BMP1: variants seen among roughly 807,000 people sequenced by gnomAD.
BMP1 encodes the protein bone morphogenetic protein 1.
BMP1 carries 63 observed loss-of-function variants against 116.8 expected under a neutral mutation model. The ratio of observed to expected loss-of-function variants is 0.54; its 90% confidence interval spans 0.44 to 0.67. BMP1 has a LOEUF of 0.67. Ranked by LOEUF, BMP1 falls within the 30% of genes least tolerant of loss-of-function variation. The pLI is 0.00. For missense variants in BMP1, 1,183 were observed against 1,358.9 expected (o/e 0.87, Z 2.04); for synonymous variants, 536 against 533.4 (o/e 1.00, Z -0.07).
At chr8:22,175,594 G>C (rs985281748) in intron 2 of BMP1, among the ~76,000 whole-genome samples, 1 of 152,152 alleles carries the variant, frequency 6.6e-6, no homozygotes, top group African/African-American at 2.4e-5. Context: ...CTTGTTTTAT[G>C]AGTGTTTCTT....
chr8:22,201,567 C>A, intron 15 of BMP1: 1 of 1,403,856 alleles, frequency 7.1e-7, no homozygotes, highest in Non-Finnish European at 9.3e-7. Context: ...CCGCTCGGAC[C>A]CCCATCCTCC....
At position 22,183,137 on chromosome 8, in the gene BMP1, G is replaced by T. The variant is rs573995312; in HGVS notation, c.1077+2654G>T. ...TCTCACTTAAAAAATGGCAGTTCTG[G>T]CCAGTATATGGCCCATGCCTGTAAT... On this transcript the variant is annotated intron_variant, in intron 8 of 19. Transcript: ENST00000306385. 2.0e-5 allele frequency among the ~76,000 whole-genome samples: 3 copies of T among 152,310 alleles called. No homozygotes were observed. The South Asian group carries it at 6.2e-4, about 32-fold the overall frequency.
chr8:22,187,056 G>A (rs766617001), intron 8 of BMP1, among the ~76,000 whole-genome samples: 4 of 151,906 alleles, frequency 2.6e-5, no homozygotes, highest in African/African-American at 4.8e-5. Flanking sequence ...CCAGGCTGGA[G>A]TGCAGCTCAC....
intron 3 of BMP1, 92 bp from the exon 4 acceptor site, chr8:22,176,441 T>C: frequency 6.4e-7 from 1 of 1,559,738 alleles, no homozygotes; most frequent in South Asian, 1.1e-5. Context: ...TTCCAGGCAG[T>C]CTGCCCTCAG....
intron 13 of BMP1, chr8:22,196,419 C>A: frequency 1.7e-6 from 1 of 602,778 alleles, no homozygotes; most frequent in Admixed American, 2.7e-5. Flanking sequence ...AGGACCTTGG[C>A]CTGTTCATTT....
chr8:22,173,150 T>C (rs1348140212), intron 1 of BMP1, among the ~76,000 whole-genome samples: 2 of 152,184 alleles, frequency 1.3e-5, no homozygotes, highest in East Asian at 3.9e-4. Context: ...GTATGTTAAC[T>C]AAGTATTTGC....
intron 15 of BMP1, chr8:22,201,004 C>G: frequency 2.7e-6 from 1 of 368,830 alleles, no homozygotes; most frequent in Non-Finnish European, 5.3e-6. Flanking sequence ...CCCCACCCTG[C>G]CCCTCAGATC....
At chr8:22,207,626 C>T (rs1829388806) in intron 18 of BMP1, 110 bp downstream of exon 18, 1 of 1,229,792 alleles carries the variant, frequency 8.1e-7, no homozygotes, top group Non-Finnish European at 1.1e-6. Context: ...GCCCTGCGAC[C>T]CAGGGCCAGG....
chr8:22,166,121 C>G (rs1025230072), intron 1 of BMP1, among the ~76,000 whole-genome samples: 2 of 152,046 alleles, frequency 1.3e-5, no homozygotes, highest in African/African-American at 4.8e-5. Context: ...ATCGTGCTCT[C>G]TGGGTATCCC....
chr8:22,194,277 AG>A lies in BMP1; in HGVS notation c.1297+106del. On this transcript the variant is annotated intron_variant, in intron 10 of 19. Coordinates refer to ENST00000306385, the MANE Select transcript of BMP1 (RefSeq NM_006129.5). The surrounding 1 kb of genome is among the most constrained non-coding windows in gnomAD (Gnocchi z 4.5). Reference sequence around the variant, plus strand: ...TGAGGGGCAAGATTGTGGGTTCCCAAGGGAAGAAGCAGAGAGAATGATGGGA... The same window carrying A: ...TGAGGGGCAAGATTGTGGGTTCCCAAGGAAGAAGCAGAGAGAATGATGGGA... 2.0e-6 allele frequency: 3 copies of A among 1,472,284 alleles called. No homozygotes were observed. Among genetic ancestry groups the A allele is most frequent in the Non-Finnish European group, 2.8e-6 (3 of 1,059,328 alleles). The allele number at this position is 1,472,284 out of a possible 1,614,324, so 91.2% of individuals were successfully genotyped here.
intron 18 of BMP1, among the ~76,000 whole-genome samples, chr8:22,208,513 G>A (rs1386596750): frequency 6.6e-6 from 1 of 152,258 alleles, no homozygotes; most frequent in Non-Finnish European, 1.5e-5. Context: ...AACTGGGCAT[G>A]TGTTGGTAGA....
At chr8:22,177,419 G>A in intron 5 of BMP1, 2 of 658,542 alleles carry the variant, frequency 3.0e-6, no homozygotes, top group East Asian at 5.3e-5. Flanking sequence ...TGGGGCATGG[G>A]CATAGTGGGC....
intron 8 of BMP1, among the ~76,000 whole-genome samples, chr8:22,190,511 G>C (rs961548751): frequency 6.6e-6 from 1 of 152,196 alleles, no homozygotes; most frequent in African/African-American, 2.4e-5. Context: ...TGAGATTATG[G>C]AGGGGCAGAC....
rs1404079117 is a variant in BMP1 at position 22,179,343 on chromosome 8, C to T, written c.837-362C>T. Among the ~76,000 whole-genome samples the T allele has an allele frequency of 2.0e-5, 3 of 152,190 alleles. No individual in the cohort carries two copies. Among genetic ancestry groups the T allele is most frequent in the Non-Finnish European group, 4.4e-5 (3 of 68,028 alleles). ...CATGAGGGGCTGCAGAAGCAGGGGC[C>T]CAGTGGGGCTGGAGAGAGATGACCC... On this transcript the variant is annotated intron_variant, in intron 6 of 19. Transcript: ENST00000306385. The surrounding 1 kb of genome is among the most constrained non-coding windows in gnomAD (Gnocchi z 4.6).
rs1325997481 is a variant in BMP1 at position 22,194,714 on chromosome 8, C to T, written c.1444-10C>T. ...AGAGCCCCTTCCACTGATGAAGCCTCGACCCCTAGATTGAGCGCCACGACA... is the reference window on the plus strand; with the variant it reads ...AGAGCCCCTTCCACTGATGAAGCCTTGACCCCTAGATTGAGCGCCACGACA... On this transcript the variant is annotated splice_polypyrimidine_tract_variant and intron_variant, in intron 11 of 19. Coordinates refer to ENST00000306385, the MANE Select transcript of BMP1 (RefSeq NM_006129.5). The surrounding 1 kb of genome is among the most constrained non-coding windows in gnomAD (Gnocchi z 4.5). 10 of 1,596,700 alleles carry T rather than the reference C, an allele frequency of 6.3e-6. No homozygotes were observed. Among genetic ancestry groups the T allele is most frequent in the African/African-American group, 2.7e-5 (2 of 74,400 alleles).
chr8:22,186,526 G>C (rs1278127602), intron 8 of BMP1, among the ~76,000 whole-genome samples: 2 of 151,718 alleles, frequency 1.3e-5, no homozygotes, highest in Non-Finnish European at 2.9e-5. Flanking sequence ...GGAGTGCAGT[G>C]GCATGATCTC....
At chr8:22,199,961 G>A (rs999099578) in intron 15 of BMP1, among the ~76,000 whole-genome samples, 8 of 152,184 alleles carry the variant, frequency 5.3e-5, no homozygotes, top group African/African-American at 1.9e-4. Flanking sequence ...ATGTTCCAGC[G>A]CTTGGGCCCC....
chr8:22,177,912 A>G lies in BMP1; in HGVS notation c.791A>G (p.Tyr264Cys). 1.2e-6 allele frequency: 2 copies of G among 1,613,656 alleles called. No homozygotes were observed. The highest frequency in any genetic ancestry group is 2.2e-5 in the East Asian group (1 of 44,850). Reference sequence around the variant, plus strand: ...GAGGTGGAGTCCCTGGGGGAGACCTATGACTTCGACAGCATCATGCATTAC... The same window carrying G: ...GAGGTGGAGTCCCTGGGGGAGACCTGTGACTTCGACAGCATCATGCATTAC... ...PQEVESLGETYDFDSIMHYAR... is the reference protein window; with the variant it reads ...PQEVESLGETCDFDSIMHYAR... Residue 264 changes from tyrosine (Y) to cysteine (C), a missense_variant, in exon 6 of 20, where the codon TAT becomes TGT. This residue lies in a region of BMP1 where 956 missense variants were observed against 1,135.2 expected (regional missense o/e 0.84). Coordinates refer to ENST00000306385, the MANE Select transcript of BMP1 (RefSeq NM_006129.5).
chr8:22,207,012 G>T (rs1456699865), intron 17 of BMP1, 31 bp downstream of exon 17: 1 of 1,612,176 alleles, frequency 6.2e-7, no homozygotes, highest in Non-Finnish European at 8.5e-7. Flanking sequence ...TCCTTATGCG[G>T]TGTGGCTGCC....
Sources: allele counts gnomAD v4.1 joint callset (sites outside exome capture counted in the v4.1 genomes callset), GRCh38; gene constraint gnomAD v4.1.1; regional missense constraint gnomAD v4.1.1; non-coding constraint Gnocchi (gnomAD v3.1); transcripts MANE v1.5; gene names NCBI Gene and HGNC (gene_info 2026-07-23, HGNC 2026-07-21).